The following KCNN3 variants were observed in gnomAD, a reference collection of about 807,000 sequenced individuals.
KCNN3 encodes the protein potassium calcium-activated channel subfamily N member 3.
KCNN3 carries 16 observed loss-of-function variants against 62.9 expected under a neutral mutation model. That is an observed-to-expected ratio of 0.25 (90% CI 0.17 to 0.39). The LOEUF is 0.39. Ranked by LOEUF, KCNN3 falls within the 10% of genes least tolerant of loss-of-function variation. KCNN3 has a pLI of 1.00. For missense variants in KCNN3, 599 were observed against 949.4 expected, an observed-to-expected ratio of 0.63 and a Z score of 4.85; for synonymous variants, 370 against 389.2, an observed-to-expected ratio of 0.95 and a Z score of 0.58.
rs1042467866 is a variant in KCNN3 at position 154,701,315 on chromosome 1, C to T, written c.*6661G>A. ...ACACATAGGCTCAGTTAATCTGCCCCGATGCAACCTGGTTTGCACCTGTAC... is the reference window on the plus strand; with the variant it reads ...ACACATAGGCTCAGTTAATCTGCCCTGATGCAACCTGGTTTGCACCTGTAC... On this transcript the variant is annotated 3_prime_UTR_variant, in exon 8 of 8. Coordinates refer to ENST00000271915, the MANE Select transcript of KCNN3 (RefSeq NM_002249.6). 5.9e-5 allele frequency: 9 copies of T among 152,246 alleles called. No homozygotes were observed. The highest frequency in any genetic ancestry group is 1.3e-4 in the Admixed American group (2 of 15,302). The allele number at this position is 152,246 out of a possible 1,614,324, so 9.4% of individuals were successfully genotyped here. A position where few individuals can be genotyped will look rare whatever the true frequency, so the allele number is the denominator to read the frequency against.
chr1:154,726,565 G>A (rs1557944487), intron 4 of KCNN3, among the ~76,000 whole-genome samples: 1 of 152,216 alleles, frequency 6.6e-6, no homozygotes, highest in Non-Finnish European at 1.5e-5. Context: ...TTTCCCCAGG[G>A]CTTGTTTCAC....
chr1:154,716,230 T>C (rs977982216), intron 5 of KCNN3, among the ~76,000 whole-genome samples: 5 of 152,230 alleles, frequency 3.3e-5, no homozygotes, highest in East Asian at 1.9e-4. Flanking sequence ...CACAGACATC[T>C]TCAGCAATTA....
intron 3 of KCNN3, among the ~76,000 whole-genome samples, chr1:154,752,095 T>G (rs1268308949): frequency 1.3e-5 from 2 of 152,304 alleles, no homozygotes; most frequent in East Asian, 3.9e-4. Flanking sequence ...CTCCTTTATT[T>G]TTTTTCTTTT....
intron 3 of KCNN3, among the ~76,000 whole-genome samples, chr1:154,743,201 C>G (rs76877887): frequency 0.068 from 10,385 of 151,622 alleles, 472 homozygotes; most frequent in African/African-American, 0.12. Context: ...CTGCTCCAGT[C>G]CCATCCTCTT....
At chr1:154,760,506 T>C (rs1647953168) in intron 3 of KCNN3, among the ~76,000 whole-genome samples, 1 of 152,000 alleles carries the variant, frequency 6.6e-6, no homozygotes, top group African/African-American at 2.4e-5. Flanking sequence ...CCGCTCCGGC[T>C]GTCGCCACAG....
At chr1:154,791,366 C>A (rs182516376) in intron 2 of KCNN3, among the ~76,000 whole-genome samples, 5 of 150,522 alleles carry the variant, frequency 3.3e-5, no homozygotes, top group Admixed American at 3.3e-4. Flanking sequence ...TACATTCTTG[C>A]GGCTGGTGCT....
intron 1 of KCNN3, among the ~76,000 whole-genome samples, chr1:154,835,724 G>A (rs996673264): frequency 1.8e-4 from 28 of 152,186 alleles, no homozygotes; most frequent in African/African-American, 6.5e-4. Context: ...ATTTGCTACT[G>A]AGTCACTGTG....
intron 3 of KCNN3, among the ~76,000 whole-genome samples, chr1:154,769,060 CAGTT>C (rs1195360322): frequency 6.6e-6 from 1 of 151,992 alleles, no homozygotes; most frequent in Non-Finnish European, 1.5e-5. Flanking sequence ...GACCTCGGGC[CAGTT>C]ACTTTCTATC....
chr1:154,822,291 T>G, intron 1 of KCNN3, 107 bp from the exon 2 acceptor site: 5 of 829,576 alleles, frequency 6.0e-6, no homozygotes, highest in Non-Finnish European at 1.0e-5. Context: ...GGAGGGACTG[T>G]TACCAGCCCC....
At chr1:154,829,661 C>A (rs1450029789) in intron 1 of KCNN3, among the ~76,000 whole-genome samples, 1 of 152,182 alleles carries the variant, frequency 6.6e-6, no homozygotes, top group African/African-American at 2.4e-5. Flanking sequence ...CTGACCTAGA[C>A]CCGAGAGCAG....
intron 1 of KCNN3, among the ~76,000 whole-genome samples, chr1:154,826,113 G>A (rs1651118406): frequency 6.6e-6 from 1 of 150,864 alleles, no homozygotes; most frequent in African/African-American, 2.5e-5. Flanking sequence ...CACTTCTGCA[G>A]ACAATATCTG....
At chr1:154,732,153 C>T (rs1700607143) in intron 4 of KCNN3, among the ~76,000 whole-genome samples, 1 of 152,240 alleles carries the variant, frequency 6.6e-6, no homozygotes, top group Admixed American at 6.5e-5. Flanking sequence ...CCTCCATCTC[C>T]ACTTTCCCCT....
At chr1:154,799,733 G>A (rs7417027) in intron 2 of KCNN3, among the ~76,000 whole-genome samples, 8,404 of 152,282 alleles carry the variant, frequency 0.055, 259 homozygotes, top group Non-Finnish European at 0.071. Flanking sequence ...CCCCTACAGC[G>A]GACAGCCAGC....
chr1:154,785,555 T>G (rs1649241905), intron 2 of KCNN3, among the ~76,000 whole-genome samples: 1 of 148,368 alleles, frequency 6.7e-6, no homozygotes. Context: ...GGCTGGGGCC[T>G]AAGCACTTTT....
intron 2 of KCNN3, among the ~76,000 whole-genome samples, chr1:154,794,811 G>A (rs1196833765): frequency 6.6e-6 from 1 of 152,188 alleles, no homozygotes; most frequent in East Asian, 1.9e-4. Flanking sequence ...TGCTGGGATC[G>A]ATTGGTTATG....
At chr1:154,777,080 C>T (rs1036580667) in intron 2 of KCNN3, among the ~76,000 whole-genome samples, 12 of 152,212 alleles carry the variant, frequency 7.9e-5, no homozygotes, top group African/African-American at 2.4e-4. Flanking sequence ...TAGTAACTCC[C>T]ACTTACTGCG....
intron 2 of KCNN3, among the ~76,000 whole-genome samples, chr1:154,780,516 A>C (rs1322882979): frequency 6.7e-6 from 1 of 149,568 alleles, no homozygotes; most frequent in Non-Finnish European, 1.5e-5. Context: ...CATCATTTAA[A>C]AAAACGACAC....
intron 1 of KCNN3, among the ~76,000 whole-genome samples, chr1:154,824,796 C>G (rs16836414): frequency 0.08 from 12,234 of 152,086 alleles, 1,111 homozygotes; most frequent in East Asian, 0.42. Flanking sequence ...CTCCTTTGGG[C>G]CTCTTCCTTT....
chr1:154,805,818 C>T (rs1412761603), intron 2 of KCNN3, among the ~76,000 whole-genome samples: 2 of 152,114 alleles, frequency 1.3e-5, no homozygotes, highest in African/African-American at 4.8e-5. Context: ...AATGGCCCCC[C>T]AAAATGTCTG....
Sources: gnomAD v4.1 joint callset for allele counts (sites outside exome capture counted in the v4.1 genomes callset) on GRCh38, gnomAD v4.1.1 for gene constraint, MANE v1.5 for transcripts, NCBI Gene and HGNC (gene_info 2026-07-23, HGNC 2026-07-21) for gene names.